The following LARP1 variants were observed in gnomAD, a reference collection of about 807,000 sequenced individuals.
The protein encoded by LARP1 is La ribonucleoprotein 1, translational regulator.
A neutral mutation model predicts 122.7 loss-of-function variants in LARP1; 36 were observed. The observed-to-expected ratio is 0.29, with a 90% CI of 0.22 to 0.39. The LOEUF is 0.39. Among genes scored for constraint, LARP1 ranks in the 10% least tolerant of loss-of-function variants. LARP1 has a pLI of 1.00. For missense variants in LARP1, 1,040 were observed against 1,403.6 expected (o/e 0.74, Z 4.14); for synonymous variants, 539 against 528.7 (o/e 1.02, Z -0.27).
intron 1 of LARP1, among the ~76,000 whole-genome samples, chr5:154,699,542 GA>G (rs1754622908): frequency 6.6e-6 from 1 of 152,088 alleles, no homozygotes; most frequent in African/African-American, 2.4e-5. Context: ...TAAAGCACCT[GA>G]AGTGTTCCTG....
intron 1 of LARP1, among the ~76,000 whole-genome samples, chr5:154,784,456 T>A (rs1756723440): frequency 6.6e-6 from 1 of 152,220 alleles, no homozygotes; most frequent in South Asian, 2.1e-4. Context: ...TACCTTGTTC[T>A]CAAGGTAGTA....
Position 154,794,005 on chromosome 5 carries a change from G to A in LARP1, c.1069+5G>A, listed in dbSNP as rs374978986. On this transcript the variant is annotated splice_donor_5th_base_variant and intron_variant, in intron 6 of 18. Coordinates refer to ENST00000518297, the MANE Select transcript of LARP1 (RefSeq NM_033551.3). ...GCGGCCGGGGTGGCACTCGAAGTAC[G>A]TGAGGCCCCTTTGGGCTCCGGGATG... The A allele has an allele frequency of 3.7e-6, 6 of 1,609,160 alleles. No individual in the cohort carries two copies. The highest frequency in any genetic ancestry group is 1.3e-5 in the African/African-American group (1 of 74,800).
rs193115619 is a variant in LARP1 at position 154,815,060 on chromosome 5, G to T, written c.*964G>T. On this transcript the variant is annotated 3_prime_UTR_variant, in exon 19 of 19. Transcript: ENST00000518297. Reference sequence around the variant, plus strand: ...AAATACCCAAATGCCTGTTTTCCTCGGTGGAGTCAACCCGAAGAGCTCCCA... The same window carrying T: ...AAATACCCAAATGCCTGTTTTCCTCTGTGGAGTCAACCCGAAGAGCTCCCA... 6.6e-6 allele frequency: 1 copy of T among 152,488 alleles called. No individual in the cohort carries two copies. The highest frequency in any genetic ancestry group is 2.4e-5 in the African/African-American group (1 of 41,402). The allele number at this position is 152,488 out of a possible 1,614,324, so 9.4% of individuals were successfully genotyped here.
chr5:154,742,382 C>T (rs770797278), intron 1 of LARP1, among the ~76,000 whole-genome samples: 3 of 152,038 alleles, frequency 2.0e-5, no homozygotes, highest in East Asian at 1.9e-4. Context: ...GCCAACATGG[C>T]GAAACCCCAT....
intron 1 of LARP1, among the ~76,000 whole-genome samples, chr5:154,690,275 G>T (rs187364040): frequency 1.3e-5 from 2 of 152,148 alleles, no homozygotes; most frequent in African/African-American, 4.8e-5. Context: ...AGTTAATTTG[G>T]GTGGACTTCA....
chr5:154,717,584 T>G (rs908274153), intron 1 of LARP1, among the ~76,000 whole-genome samples: 1 of 152,220 alleles, frequency 6.6e-6, no homozygotes, highest in African/African-American at 2.4e-5. Context: ...GTGACTGGTG[T>G]TATTCACTCT....
At chr5:154,809,156 G>C (rs1195356651) in intron 16 of LARP1, among the ~76,000 whole-genome samples, 1 of 151,468 alleles carries the variant, frequency 6.6e-6, no homozygotes, top group African/African-American at 2.4e-5. Context: ...CCAATATTTT[G>C]CTATTAAAAA....
chr5:154,717,168 A>G (rs1027871222), intron 1 of LARP1, among the ~76,000 whole-genome samples: 1 of 152,144 alleles, frequency 6.6e-6, no homozygotes, highest in East Asian at 1.9e-4. Flanking sequence ...AAGATCTGGC[A>G]CTATATGTCC....
At chr5:154,723,817 A>T (rs375165063) in intron 1 of LARP1, among the ~76,000 whole-genome samples, 1 of 152,136 alleles carries the variant, frequency 6.6e-6, no homozygotes, top group Non-Finnish European at 1.5e-5. Flanking sequence ...TTACTCTGCC[A>T]TATGGACTTG....
chr5:154,699,245 C>T (rs1477255608), intron 1 of LARP1, among the ~76,000 whole-genome samples: 1 of 152,200 alleles, frequency 6.6e-6, no homozygotes, highest in Non-Finnish European at 1.5e-5. Context: ...GTGAAGGACA[C>T]AAACACTTCA....
At position 154,698,600 on chromosome 5, in the gene LARP1, A is replaced by G. The variant is rs533998214; in HGVS notation, c.-180+15563A>G. Among the ~76,000 whole-genome samples the G allele has an allele frequency of 1.2e-4, 18 of 151,966 alleles. No homozygotes were observed. In the South Asian group the frequency reaches 1.3e-3, roughly 11 times the overall value. On this transcript the variant is annotated intron_variant, in intron 1 of 18. Coordinates refer to the LARP1 transcript ENST00000687700. ...CGACAAGAGCGAGGCTGTGTCTCAAAATAAATAAATAAATAAATAAAAATT... is the reference window on the plus strand; with the variant it reads ...CGACAAGAGCGAGGCTGTGTCTCAAGATAAATAAATAAATAAATAAAAATT...
intron 18 of LARP1, among the ~76,000 whole-genome samples, chr5:154,813,500 G>A (rs1478193072): frequency 6.6e-6 from 1 of 152,216 alleles, no homozygotes; most frequent in Non-Finnish European, 1.5e-5. Flanking sequence ...TTCTGAGCAA[G>A]AGATCCCTTC....
At chr5:154,777,999 C>A (rs1355953976) in intron 1 of LARP1, among the ~76,000 whole-genome samples, 1 of 152,102 alleles carries the variant, frequency 6.6e-6, no homozygotes, top group East Asian at 1.9e-4. Flanking sequence ...CGGTGACTCA[C>A]GCCTGTAATC....
At chr5:154,771,467 G>C (rs1208194676) in intron 1 of LARP1, among the ~76,000 whole-genome samples, 1 of 152,220 alleles carries the variant, frequency 6.6e-6, no homozygotes, top group Admixed American at 6.5e-5. Context: ...ACAGTAGTTA[G>C]TAAGTAGCTG....
At chr5:154,756,425 GGC>G in intron 1 of LARP1, 1 of 993,496 alleles carries the variant, frequency 1.0e-6, no homozygotes, top group Non-Finnish European at 1.2e-6. Flanking sequence ...CCACCGCCTG[GGC>G]CGCAGCGGTT....
chr5:154,788,843 A>C (rs1197127309), intron 1 of LARP1, among the ~76,000 whole-genome samples: 1 of 152,128 alleles, frequency 6.6e-6, no homozygotes, highest in Admixed American at 6.5e-5. Context: ...AATTTCTGAT[A>C]GTTCTTACAT....
At chr5:154,806,629 G>T (rs1386534275) in intron 15 of LARP1, among the ~76,000 whole-genome samples, 1 of 152,180 alleles carries the variant, frequency 6.6e-6, no homozygotes, top group African/African-American at 2.4e-5. Flanking sequence ...AGATGCTCTT[G>T]TCTGTCCCTG....
intron 1 of LARP1, among the ~76,000 whole-genome samples, chr5:154,784,202 GCCAGGC>G (rs1330500187): frequency 6.6e-6 from 1 of 152,228 alleles, no homozygotes; most frequent in Non-Finnish European, 1.5e-5. Flanking sequence ...CTGCTGTGTT[GCCAGGC>G]CCTGAGCTAG....
chr5:154,703,689 C>G (rs1754823979), intron 1 of LARP1, among the ~76,000 whole-genome samples: 1 of 152,168 alleles, frequency 6.6e-6, no homozygotes, highest in South Asian at 2.1e-4. Context: ...GGCACCATCT[C>G]TGCTCACTGC....
Sources: allele counts gnomAD v4.1 joint callset (sites outside exome capture counted in the v4.1 genomes callset), GRCh38; gene constraint gnomAD v4.1.1; transcripts MANE v1.5; gene names NCBI Gene and HGNC (gene_info 2026-07-23, HGNC 2026-07-21).